SYNPR: variants seen among roughly 807,000 people sequenced by gnomAD.
SYNPR encodes the protein synaptoporin.
Under a neutral mutation model 32.9 loss-of-function variants are expected in SYNPR, and 23 were observed. The observed-to-expected ratio is 0.70, with a 90% confidence interval of 0.50 to 0.99. SYNPR has a LOEUF of 0.99. Ranked by LOEUF, SYNPR falls within the 50% of genes least tolerant of loss-of-function variation. The pLI, the probability that SYNPR is intolerant of heterozygous loss-of-function variation, is 0.00. For synonymous variants in SYNPR, 146 were observed against 135.9 expected, an observed-to-expected ratio of 1.07 and a Z score of -0.52; for missense variants, 318 against 349.3, an observed-to-expected ratio of 0.91 and a Z score of 0.71.
chr3:63,488,007 G>A (rs539319520), intron 3 of SYNPR, among the ~76,000 whole-genome samples: 1 of 152,118 alleles, frequency 6.6e-6, no homozygotes, highest in Non-Finnish European at 1.5e-5. Context: ...GAACACGGGG[G>A]CAGGTGCAAG....
At chr3:63,310,735 C>T (rs2086955693) in intron 2 of SYNPR, among the ~76,000 whole-genome samples, 2 of 151,940 alleles carry the variant, frequency 1.3e-5, no homozygotes, top group Non-Finnish European at 2.9e-5. Flanking sequence ...CACTAGCTGG[C>T]TGAGACCTGG....
intron 4 of SYNPR, among the ~76,000 whole-genome samples, chr3:63,599,529 A>C (rs568201462): frequency 1.3e-5 from 2 of 152,232 alleles, no homozygotes; most frequent in African/African-American, 4.8e-5. Flanking sequence ...AGCATAAGCC[A>C]TACCACATAG....
intron 2 of SYNPR, among the ~76,000 whole-genome samples, chr3:63,316,606 T>C (rs1020555690): frequency 1.3e-5 from 2 of 151,942 alleles, no homozygotes; most frequent in African/African-American, 4.8e-5. Context: ...CTTAGTGAGG[T>C]TATTTGGATT....
intron 3 of SYNPR, among the ~76,000 whole-genome samples, chr3:63,489,677 G>A (rs1478602110): frequency 3.9e-5 from 6 of 152,198 alleles, no homozygotes; most frequent in East Asian, 1.9e-4. Context: ...AGTTGGAGAC[G>A]GGAGAAAGAC....
intron 2 of SYNPR, among the ~76,000 whole-genome samples, chr3:63,354,445 G>A (rs1200726792): frequency 6.6e-6 from 1 of 152,204 alleles, no homozygotes; most frequent in Non-Finnish European, 1.5e-5. Flanking sequence ...GCAGGTTAGA[G>A]TTTGCTTTGC....
intron 2 of SYNPR, among the ~76,000 whole-genome samples, chr3:63,289,168 A>C (rs1030683219): frequency 6.6e-6 from 1 of 152,232 alleles, no homozygotes; most frequent in Non-Finnish European, 1.5e-5. Context: ...TACAAACACA[A>C]TCAAGCATTC....
chr3:63,527,662 T>A (rs926460650), intron 3 of SYNPR, among the ~76,000 whole-genome samples: 2 of 152,136 alleles, frequency 1.3e-5, no homozygotes, highest in Non-Finnish European at 2.9e-5. Context: ...GAGAAAACTA[T>A]CCTTGAAAAG....
intron 2 of SYNPR, among the ~76,000 whole-genome samples, chr3:63,368,383 G>C (rs552664875): frequency 6.6e-6 from 1 of 152,172 alleles, no homozygotes; most frequent in Non-Finnish European, 1.5e-5. Flanking sequence ...AATGAAAGAG[G>C]AATGTGATGT....
rs144346861 is a variant in SYNPR, at chr3:63,401,149, C to T, written c.85-79683C>T. ...GGTGGGAAAAGGAAAAGAGATAAAA[C>T]GATGGCATTCATGTACTCATAAAGG... On this transcript the variant is annotated intron_variant, in intron 2 of 5. Coordinates refer to ENST00000478300, the MANE Select transcript of SYNPR (RefSeq NM_001130003.2). 5.9e-5 allele frequency among the ~76,000 whole-genome samples: 9 copies of T among 151,868 alleles called. No individual in the cohort carries two copies. In the South Asian group the frequency reaches 1.2e-3, roughly 21 times the overall value.
chr3:63,270,759 A>G (rs2086527328), intron 3 of SYNPR, among the ~76,000 whole-genome samples: 1 of 152,198 alleles, frequency 6.6e-6, no homozygotes, highest in Non-Finnish European at 1.5e-5. Flanking sequence ...GGAGCTTATC[A>G]CAGTGCCTGG....
Position 63,361,755 on chromosome 3 carries a change from A to G in SYNPR, c.84+83013A>G, listed in dbSNP as rs544161602. On this transcript the variant is annotated intron_variant, in intron 2 of 5. Coordinates refer to ENST00000478300, the MANE Select transcript of SYNPR (RefSeq NM_001130003.2). ...GCAGTTATAGTTATTATAGGGTGCT[A>G]ATTAACTTAAGACTTCAGTCAAATA... 5.1e-4 allele frequency among the ~76,000 whole-genome samples: 77 copies of G among 152,208 alleles called. 1 individual carries two copies. The highest frequency in any genetic ancestry group is 3.1e-3 in the Admixed American group (48 of 15,292).
chr3:63,610,799 T>C (rs1419360498), intron 5 of SYNPR, among the ~76,000 whole-genome samples: 1 of 152,238 alleles, frequency 6.6e-6, no homozygotes, highest in African/African-American at 2.4e-5. Context: ...CAATAAATTA[T>C]GACGTTCTGC....
chr3:63,554,915 T>C (rs1036124716), intron 3 of SYNPR, among the ~76,000 whole-genome samples: 11 of 152,138 alleles, frequency 7.2e-5, no homozygotes, highest in African/African-American at 1.2e-4. Context: ...GTTCTCCTTG[T>C]AGAGATCTTT....
intron 4 of SYNPR, among the ~76,000 whole-genome samples, chr3:63,571,231 T>G (rs1259557527): frequency 2.0e-5 from 3 of 152,200 alleles, no homozygotes; most frequent in Non-Finnish European, 4.4e-5. Context: ...CTTAAAGTTT[T>G]ACTGTTGTGC....
At chr3:63,497,773 CAGA>C (rs1701400645) in intron 3 of SYNPR, among the ~76,000 whole-genome samples, 1 of 152,072 alleles carries the variant, frequency 6.6e-6, no homozygotes, top group Admixed American at 6.6e-5. Flanking sequence ...AACAGTGGCA[CAGA>C]AGAAAATGAA....
intron 1 of SYNPR, among the ~76,000 whole-genome samples, chr3:63,250,112 T>A (rs2086319583): frequency 6.6e-6 from 1 of 152,204 alleles, no homozygotes; most frequent in Non-Finnish European, 1.5e-5. Context: ...TCTAGGGTTC[T>A]ATAGCATTGT....
At chr3:63,390,355 A>C (rs1448754517) in intron 2 of SYNPR, among the ~76,000 whole-genome samples, 1 of 152,196 alleles carries the variant, frequency 6.6e-6, no homozygotes, top group Non-Finnish European at 1.5e-5. Context: ...AGGAGGAATG[A>C]ATGTGAAATT....
chr3:63,521,862 G>A (rs988410243), intron 3 of SYNPR, among the ~76,000 whole-genome samples: 1 of 152,188 alleles, frequency 6.6e-6, no homozygotes, highest in Non-Finnish European at 1.5e-5. Context: ...ATGCCTGAGG[G>A]CTGGCATTGG....
chr3:63,397,580 A>G (rs778429351), intron 2 of SYNPR, among the ~76,000 whole-genome samples: 26 of 152,148 alleles, frequency 1.7e-4, no homozygotes, highest in Non-Finnish European at 3.2e-4. Context: ...ACATTCAGCA[A>G]TTCCTGAGGT....
Sources: gnomAD v4.1 joint callset for allele counts (sites outside exome capture counted in the v4.1 genomes callset) on GRCh38, gnomAD v4.1.1 for gene constraint, MANE v1.5 for transcripts, NCBI Gene and HGNC (gene_info 2026-07-23, HGNC 2026-07-21) for gene names.